The following ZNF407 variants were observed in gnomAD, a reference collection of about 807,000 sequenced individuals.
ZNF407 encodes zinc finger protein 407.
ZNF407 carries 17 observed loss-of-function variants against 131.2 expected under a neutral mutation model. That is an observed-to-expected ratio of 0.13 (90% CI 0.09 to 0.19). ZNF407 has a LOEUF of 0.19. Ranked by LOEUF, ZNF407 falls within the 10% of genes least tolerant of loss-of-function variation. ZNF407 has a pLI of 1.00. For synonymous variants in ZNF407, 1,156 were observed against 1,062.0 expected, an observed-to-expected ratio of 1.09 and a Z score of -1.72; for missense variants, 2,681 against 2,830.6, an observed-to-expected ratio of 0.95 and a Z score of 1.20.
chr18:74,779,551 CTG>C (rs993038045), intron 3 of ZNF407, among the ~76,000 whole-genome samples: 6 of 152,026 alleles, frequency 3.9e-5, no homozygotes, highest in African/African-American at 1.4e-4. Flanking sequence ...CACAATTGAG[CTG>C]TGTTATAGTA....
chr18:74,743,860 G>C (rs888266647), intron 3 of ZNF407, among the ~76,000 whole-genome samples: 4 of 151,992 alleles, frequency 2.6e-5, no homozygotes, highest in African/African-American at 9.7e-5. Flanking sequence ...ATGTGTTTTA[G>C]AGTTAATTGG....
intron 8 of ZNF407, among the ~76,000 whole-genome samples, chr18:74,927,147 A>G (rs1971925103): frequency 6.6e-6 from 1 of 152,214 alleles, no homozygotes; most frequent in South Asian, 2.1e-4. Context: ...TTGAATCTTC[A>G]AAACAAATCT....
At position 74,773,928 on chromosome 18, in the gene ZNF407, A is replaced by T. The variant is rs190121796; in HGVS notation, c.4803-7500A>T. ...TGCTTTATAAACACCACTACCTACT[A>T]TAAGAAACCAGGACTGATTGCAGGT... On this transcript the variant is annotated intron_variant, in intron 3 of 8. Transcript: ENST00000299687. 2.2e-4 allele frequency among the ~76,000 whole-genome samples: 33 copies of T among 152,330 alleles called. No homozygotes were observed. The South Asian group carries it at 3.1e-3, about 14-fold the overall frequency.
intron 4 of ZNF407, among the ~76,000 whole-genome samples, chr18:74,836,008 GA>G (rs572896349): frequency 0.12 from 16,092 of 129,676 alleles, 881 homozygotes; most frequent in South Asian, 0.2. Context: ...GACCCTTATG[GA>G]AAAAAAAAAA....
chr18:74,709,682 A>T (rs1293749307), intron 3 of ZNF407, among the ~76,000 whole-genome samples: 1 of 152,234 alleles, frequency 6.6e-6, no homozygotes, highest in East Asian at 1.9e-4. Flanking sequence ...TGAATGACCC[A>T]ATACAGTTCA....
chr18:74,715,067 C>T (rs866097559), intron 3 of ZNF407, among the ~76,000 whole-genome samples: 12 of 152,198 alleles, frequency 7.9e-5, no homozygotes, highest in African/African-American at 2.2e-4. Context: ...AAAACCTACA[C>T]GTGAACCAGT....
chr18:74,655,423 T>C (rs1304851243), intron 3 of ZNF407, among the ~76,000 whole-genome samples: 2 of 152,062 alleles, frequency 1.3e-5, no homozygotes, highest in Admixed American at 6.6e-5. Context: ...TACATTACCT[T>C]ATGGAGTACT....
At chr18:74,740,039 G>A (rs1968511870) in intron 3 of ZNF407, among the ~76,000 whole-genome samples, 1 of 152,154 alleles carries the variant, frequency 6.6e-6, no homozygotes, top group Non-Finnish European at 1.5e-5. Flanking sequence ...GACCACATAT[G>A]GGGTGTCTTC....
chr18:74,812,929 T>C (rs1265417286), intron 4 of ZNF407, among the ~76,000 whole-genome samples: 1 of 152,236 alleles, frequency 6.6e-6, no homozygotes, highest in Non-Finnish European at 1.5e-5. Context: ...CACCAGATTT[T>C]TTCATGTAGA....
intron 8 of ZNF407, among the ~76,000 whole-genome samples, chr18:75,032,102 C>G (rs543690497): frequency 2.6e-5 from 4 of 152,304 alleles, no homozygotes; most frequent in African/African-American, 9.6e-5. Flanking sequence ...CTCTAAACGC[C>G]TGGACCCGAG....
At chr18:74,772,589 G>C (rs1431708834) in intron 3 of ZNF407, among the ~76,000 whole-genome samples, 4 of 152,140 alleles carry the variant, frequency 2.6e-5, no homozygotes, top group African/African-American at 9.7e-5. Context: ...TTTTCAGTTG[G>C]ATTGTAGCTT....
At chr18:74,654,280 T>G (rs1985353889) in intron 3 of ZNF407, among the ~76,000 whole-genome samples, 1 of 151,838 alleles carries the variant, frequency 6.6e-6, no homozygotes, top group Non-Finnish European at 1.5e-5. Flanking sequence ...TCTAATCTGA[T>G]TAAGGCAGTA....
At chr18:74,961,935 C>G (rs1035631466) in intron 8 of ZNF407, among the ~76,000 whole-genome samples, 1 of 152,048 alleles carries the variant, frequency 6.6e-6, no homozygotes, top group African/African-American at 2.4e-5. Context: ...GGAACAGCAG[C>G]AGTTGACTTT....
At chr18:74,917,733 C>A (rs919452507) in intron 7 of ZNF407, among the ~76,000 whole-genome samples, 1 of 152,166 alleles carries the variant, frequency 6.6e-6, no homozygotes, top group African/African-American at 2.4e-5. Context: ...TATTATTCTC[C>A]ATTTAAATAT....
chr18:74,989,730 C>T (rs1972696015), intron 8 of ZNF407, among the ~76,000 whole-genome samples: 1 of 151,840 alleles, frequency 6.6e-6, no homozygotes, highest in Non-Finnish European at 1.5e-5. Flanking sequence ...GTAATCCCAG[C>T]TACTCAGGAG....
intron 3 of ZNF407, among the ~76,000 whole-genome samples, chr18:74,650,465 C>T (rs776727677): frequency 4.6e-5 from 7 of 152,174 alleles, no homozygotes; most frequent in South Asian, 2.1e-4. Flanking sequence ...TTGAGAGAAA[C>T]GGAGCACCTT....
intron 3 of ZNF407, among the ~76,000 whole-genome samples, chr18:74,647,122 T>C (rs1599038789): frequency 6.6e-6 from 1 of 152,048 alleles, no homozygotes; most frequent in East Asian, 1.9e-4. Flanking sequence ...CTTTTTTTTT[T>C]AAAGTGGCTT....
At chr18:74,974,938 A>G (rs1972511712) in intron 8 of ZNF407, among the ~76,000 whole-genome samples, 1 of 152,252 alleles carries the variant, frequency 6.6e-6, no homozygotes, top group African/African-American at 2.4e-5. Flanking sequence ...TGAAAATATT[A>G]GTGAAATCTT....
chr18:74,685,952 G>A (rs1199449812), intron 3 of ZNF407, among the ~76,000 whole-genome samples: 1 of 152,076 alleles, frequency 6.6e-6, no homozygotes, highest in East Asian at 1.9e-4. Context: ...TAGATCTTTG[G>A]GTTTTGTTTG....
Sources: allele counts gnomAD v4.1 joint callset (sites outside exome capture counted in the v4.1 genomes callset), GRCh38; gene constraint gnomAD v4.1.1; transcripts MANE v1.5; gene names NCBI Gene and HGNC (gene_info 2026-07-23, HGNC 2026-07-21).